Variants in SEMA6A observed in about 807,000 individuals in gnomAD.
SEMA6A encodes semaphorin 6A.
In SEMA6A, 25 loss-of-function variants were observed where a neutral mutation model predicts 96.8. The ratio of observed to expected loss-of-function variants is 0.26; its 90% CI spans 0.19 to 0.36. SEMA6A has a LOEUF of 0.36. SEMA6A is among the 10% of genes least tolerant of loss of function. The pLI is 1.00. For synonymous variants in SEMA6A, 612 were observed against 518.0 expected (o/e 1.18, Z -2.46); for missense variants, 1,363 against 1,323.1 (o/e 1.03, Z -0.47).
chr5:116,509,607 T>TGAGAGAGAGAGAGA (rs113431602), intron 1 of SEMA6A, among the ~76,000 whole-genome samples: 2 of 150,444 alleles, frequency 1.3e-5, no homozygotes, highest in African/African-American at 4.9e-5. Context: ...TCTGTGTGTG[T>TGAGAGAGAGAGAGA]GAGAGAGAGA....
chr5:116,535,834 T>G (rs1055329665), intron 1 of SEMA6A, among the ~76,000 whole-genome samples: 14 of 152,246 alleles, frequency 9.2e-5, no homozygotes, highest in African/African-American at 3.1e-4. Context: ...TTTCATATAC[T>G]GAGACTGCTT....
chr5:116,501,829 G>A (rs146956623), intron 3 of SEMA6A, among the ~76,000 whole-genome samples: 1 of 152,314 alleles, frequency 6.6e-6, no homozygotes, highest in Non-Finnish European at 1.5e-5. Flanking sequence ...GGAGGCTTCA[G>A]TGAGCTGAGA....
At chr5:116,546,155 T>C (rs1760176629) in intron 1 of SEMA6A, among the ~76,000 whole-genome samples, 1 of 152,268 alleles carries the variant, frequency 6.6e-6, no homozygotes, top group Non-Finnish European at 1.5e-5. Context: ...AGGATCACTC[T>C]TCATATTATC....
chr5:116,464,500 G>T (rs895982717), intron 18 of SEMA6A, among the ~76,000 whole-genome samples: 1 of 152,218 alleles, frequency 6.6e-6, no homozygotes, highest in African/African-American at 2.4e-5. Flanking sequence ...TCCGCGTGCT[G>T]TGCAGGTCTC....
rs1283654728 is a variant in SEMA6A at position 116,446,880 on chromosome 5, G to A, written c.2826C>T (p.Ser942=). Residue 942 remains serine, a synonymous_variant, in exon 19 of 19, where the codon TCC becomes TCT. Coordinates refer to ENST00000343348, the MANE Select transcript of SEMA6A (RefSeq NM_020796.5). ...GGTTTCTGGAGAGGTGAGAGGAATT[G>A]GAGGAGTTAGTGTTGTTTCTTTTGA... ...TTLKRNNTNS[S]NSSHLSRNQS... 1.2e-6 allele frequency: 2 copies of A among 1,613,882 alleles called. No individual in the cohort carries two copies. The highest frequency in any genetic ancestry group is 1.3e-5 in the African/African-American group (1 of 74,924).
intron 1 of SEMA6A, chr5:116,550,342 T>C (rs181331527): frequency 6.6e-6 from 1 of 152,294 alleles, no homozygotes; most frequent in Admixed American, 6.5e-5. Flanking sequence ...CTCTCTAAGG[T>C]TATCTGACAC....
In SEMA6A at chr5:116,444,748, G is replaced by A. The variant is rs555581012; in HGVS notation, c.*1865C>T. ...GTCGGCCTTGTACTTGGAGTTACTC[G>A]TTAATCACAGCAGGGACCAGCCTGC... On this transcript the variant is annotated 3_prime_UTR_variant, in exon 19 of 19. Transcript: ENST00000343348. The A allele has an allele frequency of 4.6e-5, 7 of 152,296 alleles. No individual in the cohort carries two copies. The highest frequency in any genetic ancestry group is 8.8e-5 in the Non-Finnish European group (6 of 68,048). The allele number at this position is 152,296 out of a possible 1,614,324, so 9.4% of individuals were successfully genotyped here.
Position 116,446,348 on chromosome 5 carries a change from T to G in SEMA6A, c.*265A>C. 1 of 342,918 alleles carries G rather than the reference T, an allele frequency of 2.9e-6. No individual in the cohort carries two copies. The highest frequency in any genetic ancestry group is 5.3e-6 in the Non-Finnish European group (1 of 188,772). The allele number at this position is 342,918 out of a possible 1,614,324, so 21.2% of individuals were successfully genotyped here. A position where few individuals can be genotyped will look rare whatever the true frequency, so the allele number is the denominator to read the frequency against. On this transcript the variant is annotated 3_prime_UTR_variant, in exon 19 of 19. Transcript: ENST00000343348. Reference sequence around the variant, plus strand: ...ATGTTTGTGATGATAACTGAAGTCTTTTGTGGGTCCGACCTGTTGTAGGGT... The same window carrying G: ...ATGTTTGTGATGATAACTGAAGTCTGTTGTGGGTCCGACCTGTTGTAGGGT...
intron 1 of SEMA6A, among the ~76,000 whole-genome samples, chr5:116,513,135 T>G (rs1358370437): frequency 2.0e-5 from 3 of 151,852 alleles, no homozygotes; most frequent in African/African-American, 7.3e-5. Context: ...TATCTTTTTT[T>G]TTTTCCCCCG....
intron 17 of SEMA6A, among the ~76,000 whole-genome samples, chr5:116,469,848 A>T (rs1755999924): frequency 6.6e-6 from 1 of 152,234 alleles, no homozygotes; most frequent in African/African-American, 2.4e-5. Flanking sequence ...GAGGAAATTA[A>T]TGTGGACCAG....
intron 1 of SEMA6A, among the ~76,000 whole-genome samples, chr5:116,518,284 G>A (rs531101388): frequency 5.1e-4 from 77 of 152,162 alleles, no homozygotes; most frequent in Non-Finnish European, 1.0e-3. Context: ...AGACAACAAC[G>A]TAATCAATTT....
At chr5:116,514,549 T>C (rs1474633775) in intron 1 of SEMA6A, among the ~76,000 whole-genome samples, 1 of 152,144 alleles carries the variant, frequency 6.6e-6, no homozygotes, top group Non-Finnish European at 1.5e-5. Flanking sequence ...CAGAAACAAA[T>C]GCCTCCTATA....
intron 1 of SEMA6A, among the ~76,000 whole-genome samples, chr5:116,515,031 G>T (rs1758601853): frequency 6.6e-6 from 1 of 152,232 alleles, no homozygotes; most frequent in South Asian, 2.1e-4. Context: ...TGGGATGACT[G>T]GCAAAGGCTT....
chr5:116,520,821 C>G (rs1292927917), intron 1 of SEMA6A, among the ~76,000 whole-genome samples: 2 of 150,904 alleles, frequency 1.3e-5, no homozygotes, highest in Non-Finnish European at 2.9e-5. Flanking sequence ...AACCTGACTG[C>G]CTATGGTTCT....
Position 116,477,882 on chromosome 5 carries a change from T to C in SEMA6A, c.1613A>G (p.Glu538Gly), listed in dbSNP as rs56912727. 3.9e-4 allele frequency: 625 copies of C among 1,613,992 alleles called. 2 individuals are homozygous for C. The African/African-American group carries it at 5.8e-3, about 15-fold the overall frequency. ...TGATAAATGGCTGCAGGCACCACCT[T>C]CCTTTATCCATCCACAATATGGGTC... ...SRDPYCGWIK[E>G]GGACSHLSPN... The change falls in exon 15 of 19, where the codon GAA becomes GGA. Residue 538 changes from glutamate to glycine, a missense_variant. Physicochemically the swap from Glu to Gly is moderately conservative, Grantham distance 98. This residue lies in a region of SEMA6A where 883 missense variants were observed against 763.6 expected (regional missense o/e 1.16). Coordinates refer to ENST00000343348, the MANE Select transcript of SEMA6A (RefSeq NM_020796.5).
At chr5:116,495,281 T>A in intron 6 of SEMA6A, 132 bp downstream of exon 6, 1 of 698,036 alleles carries the variant, frequency 1.4e-6, no homozygotes. Flanking sequence ...TGTGGAGCAA[T>A]ACATTAAGTT....
intron 17 of SEMA6A, chr5:116,469,455 T>C (rs1050056512): frequency 1.3e-4 from 19 of 151,962 alleles, no homozygotes; most frequent in African/African-American, 4.3e-4. Context: ...CTTTTTTTTT[T>C]CCACTCCTGA....
At chr5:116,559,236 C>T (rs1481822150) in intron 1 of SEMA6A, among the ~76,000 whole-genome samples, 1 of 152,142 alleles carries the variant, frequency 6.6e-6, no homozygotes, top group Admixed American at 6.5e-5. Context: ...AGGGTGAGCA[C>T]AATAGGACTA....
rs1580431046 is a variant in SEMA6A, at chr5:116,447,037, G to A, written c.2669C>T (p.Pro890Leu). 6.2e-7 allele frequency: 1 copy of A among 1,613,920 alleles called. No homozygotes were observed. Among genetic ancestry groups the A allele is most frequent in the Non-Finnish European group, 8.5e-7 (1 of 1,179,864 alleles). Residue 890 changes from proline to leucine, a missense_variant, in exon 19 of 19, where the codon CCC becomes CTC. By Grantham distance (98) the Pro-to-Leu change is moderately conservative (BLOSUM62 -3). Around this residue, in one of 2 missense-constraint regions of SEMA6A, gnomAD observed 883 missense variants for 763.6 expected, o/e 1.16. Transcript: ENST00000343348. ...KVPQREASLG[P>L]PGASLSQTGL... ...GGTCTGAGACAGGGAGGCTCCCGGGGGACCCAGGGAGGCCTCCCGCTGTGG... is the reference window on the plus strand; with the variant it reads ...GGTCTGAGACAGGGAGGCTCCCGGGAGACCCAGGGAGGCCTCCCGCTGTGG...
Sources: allele counts gnomAD v4.1 joint callset (sites outside exome capture counted in the v4.1 genomes callset), GRCh38; gene constraint gnomAD v4.1.1; regional missense constraint gnomAD v4.1.1; transcripts MANE v1.5; gene names NCBI Gene and HGNC (gene_info 2026-07-23, HGNC 2026-07-21).